Variants in DMXL1 observed in about 807,000 individuals in gnomAD.
The protein encoded by DMXL1 is dmX-like protein 1.
DMXL1 carries 99 observed loss-of-function variants against 319.2 expected under a neutral mutation model. The ratio of observed to expected loss-of-function variants is 0.31; its 90% CI spans 0.26 to 0.37. The LOEUF is 0.37. DMXL1 is among the 10% of genes least tolerant of loss of function. The probability of loss-of-function intolerance (pLI) is 1.00; values close to 1 mark genes in which losing one functional copy is unlikely to be tolerated. For synonymous variants in DMXL1, 1,385 were observed against 1,235.2 expected (o/e 1.12, Z -2.54); for missense variants, 3,745 against 3,595.6 (o/e 1.04, Z -1.06).
intron 33 of DMXL1, among the ~76,000 whole-genome samples, chr5:119,205,983 T>C (rs546817276): frequency 1.3e-5 from 2 of 152,212 alleles, no homozygotes; most frequent in African/African-American, 2.4e-5. Flanking sequence ...GAACTGCTCT[T>C]TCTTTATTTC....
chr5:119,185,963 C>G (rs559204567), intron 28 of DMXL1, among the ~76,000 whole-genome samples: 1 of 152,140 alleles, frequency 6.6e-6, no homozygotes, highest in South Asian at 2.1e-4. Flanking sequence ...TTAGTGTTCA[C>G]GTACATTTGT....
At position 119,087,741 on chromosome 5, in the gene DMXL1, C is replaced by T. The variant is rs554281136; in HGVS notation, c.88-10238C>T. ...GATCTGTCTATTACTGAGAGTGGGG[C>T]GTTAAATTCTCCTACGTTATTGTAT... On this transcript the variant is annotated intron_variant, in intron 1 of 43. Transcript: ENST00000539542. Among the ~76,000 whole-genome samples, 346 of 151,884 alleles carry T rather than the reference C, an allele frequency of 2.3e-3. 2 individuals carry two copies. Among genetic ancestry groups the T allele is most frequent in the African/African-American group, 7.8e-3 (322 of 41,430 alleles).
chr5:119,144,619 C>T lies in DMXL1; in HGVS notation c.2550C>T (p.Asp850=). The stretch of plus-strand genomic sequence containing the variant: ...TTGAGAAGAAAAGCCTTGGCAAAGA[C>T]AGCATTTTATCTAATGCAGGTAAGG... ...NNLEKKSLGK[D]SILSNAGSSP... Residue 850 remains aspartate, a synonymous_variant, in exon 15 of 44, where the codon GAC becomes GAT. Transcript: ENST00000539542. The T allele has an allele frequency of 1.3e-6, 2 of 1,597,640 alleles. No individual in the cohort carries two copies. The highest frequency in any genetic ancestry group is 1.7e-6 in the Non-Finnish European group (2 of 1,173,220).
At chr5:119,097,455 C>T (rs1346475518) in intron 1 of DMXL1, among the ~76,000 whole-genome samples, 1 of 152,146 alleles carries the variant, frequency 6.6e-6, no homozygotes. Flanking sequence ...CAGTGGCTCA[C>T]GCCTGTAATC....
chr5:119,209,677 T>G (rs1424066635), intron 34 of DMXL1, among the ~76,000 whole-genome samples: 1 of 152,126 alleles, frequency 6.6e-6, no homozygotes, highest in African/African-American at 2.4e-5. Flanking sequence ...ACAGTTGGTG[T>G]GTAGTCTATA....
rs1216084912 is a variant in DMXL1, at chr5:119,133,389, C to G, written c.1569+4C>G. The G allele has an allele frequency of 6.2e-7, 1 of 1,606,606 alleles. No homozygotes were observed. The highest frequency in any genetic ancestry group is 8.5e-7 in the Non-Finnish European group (1 of 1,175,066). On this transcript the variant is annotated splice_donor_region_variant and intron_variant, in intron 11 of 43. Transcript: ENST00000539542. ...TGGTATGTTTCGTCAAGTACAGGTA[C>G]TACTGTTATTTCTGGAGAGCTACTT...
intron 32 of DMXL1, among the ~76,000 whole-genome samples, chr5:119,198,428 T>C (rs780782302): frequency 3.3e-5 from 5 of 152,258 alleles, no homozygotes; most frequent in Admixed American, 6.5e-5. Flanking sequence ...CAATAAACTT[T>C]ATTTCTTAAA....
rs1350647230 is a variant in DMXL1 at position 119,098,016 on chromosome 5, G to A, written c.125G>A (p.Ser42Asn). Residue 42 changes from serine to asparagine, a missense_variant, in exon 2 of 44, where the codon AGC (serine) becomes AAC (asparagine). Coordinates refer to ENST00000539542, the MANE Select transcript of DMXL1 (RefSeq NM_001290321.3). ...GGATGTGACATTGTAATACTGGGAA[G>A]CGATTTTGAAAGATTACAGATAATC... is the stretch of plus-strand genomic sequence containing the variant. ...ASGCDIVILGSDFERLQIIPG... is the reference protein window; with the variant it reads ...ASGCDIVILGNDFERLQIIPG... The A allele has an allele frequency of 2.5e-6, 4 of 1,607,878 alleles. No homozygotes were observed. In the South Asian group the frequency reaches 3.4e-5, roughly 14 times the overall value.
At chr5:119,125,469 A>G (rs1251990405) in intron 9 of DMXL1, among the ~76,000 whole-genome samples, 1 of 152,206 alleles carries the variant, frequency 6.6e-6, no homozygotes, top group Non-Finnish European at 1.5e-5. Context: ...AAATATCTAA[A>G]TTAAATGTTG....
At chr5:119,153,037 T>C (rs1008750815) in intron 19 of DMXL1, among the ~76,000 whole-genome samples, 2 of 151,902 alleles carry the variant, frequency 1.3e-5, no homozygotes, top group African/African-American at 4.8e-5. Context: ...AGTACAGTGG[T>C]GTGATTTCCG....
intron 34 of DMXL1, among the ~76,000 whole-genome samples, chr5:119,210,869 G>A (rs1782685778): frequency 7.0e-6 from 1 of 143,186 alleles, no homozygotes; most frequent in Non-Finnish European, 1.5e-5. Context: ...CTTGGGGAAA[G>A]CAGTCTTTTA....
At chr5:119,132,589 A>G (rs1765163746) in intron 10 of DMXL1, 1 of 276,386 alleles carries the variant, frequency 3.6e-6, no homozygotes, top group Non-Finnish European at 7.2e-6. Context: ...CTGAGGCGGA[A>G]TTGCTTGGAC....
At chr5:119,155,292 A>G (rs987971717) in intron 19 of DMXL1, among the ~76,000 whole-genome samples, 1 of 152,180 alleles carries the variant, frequency 6.6e-6, no homozygotes, top group Non-Finnish European at 1.5e-5. Context: ...GATCTGGACA[A>G]AGTAAATTGA....
intron 5 of DMXL1, among the ~76,000 whole-genome samples, chr5:119,114,232 A>C (rs1368913335): frequency 6.6e-6 from 1 of 152,216 alleles, no homozygotes; most frequent in Non-Finnish European, 1.5e-5. Flanking sequence ...GAAAGTTACA[A>C]CTTTTGTTTT....
At chr5:119,146,052 A>G (rs1350798759) in intron 15 of DMXL1, among the ~76,000 whole-genome samples, 1 of 151,898 alleles carries the variant, frequency 6.6e-6, no homozygotes, top group African/African-American at 2.4e-5. Context: ...CTCTCAATAC[A>G]AGATGATTTA....
At chr5:119,191,218 C>G (rs1778646336) in intron 29 of DMXL1, among the ~76,000 whole-genome samples, 1 of 152,166 alleles carries the variant, frequency 6.6e-6, no homozygotes, top group Non-Finnish European at 1.5e-5. Flanking sequence ...CTGTGCAAAA[C>G]AAGGACTGCC....
chr5:119,149,380 C>T lies in DMXL1; in HGVS notation c.3553C>T (p.Leu1185Phe). The change falls in exon 18 of 44, where the codon CTC becomes TTC. Residue 1185 changes from leucine (L) to phenylalanine (F), a missense_variant. Physicochemically the swap from Leu to Phe is conservative, Grantham distance 22. Around this residue, in one of 4 missense-constraint regions of DMXL1, gnomAD observed 2,096 missense variants for 1,985.4 expected, o/e 1.06. Transcript: ENST00000539542. ...TGGTAAGGAAACCCTGGCATTTCCT[C>T]TCTGGGAGAGTACCAAAGTTGTGCC... ...QTGKETLAFP[L>F]WESTKVVPLS... 6.2e-7 allele frequency: 1 copy of T among 1,613,918 alleles called. No homozygotes were observed. Among genetic ancestry groups the T allele is most frequent in the Non-Finnish European group, 8.5e-7 (1 of 1,179,880 alleles).
intron 13 of DMXL1, among the ~76,000 whole-genome samples, chr5:119,141,271 G>A (rs1767279260): frequency 6.6e-6 from 1 of 151,396 alleles, no homozygotes; most frequent in Non-Finnish European, 1.5e-5. Context: ...CAGGAAAGAG[G>A]AATAAAAGGC....
At chr5:119,115,804 A>G (rs893852321) in intron 6 of DMXL1, among the ~76,000 whole-genome samples, 1 of 152,204 alleles carries the variant, frequency 6.6e-6, no homozygotes, top group African/African-American at 2.4e-5. Context: ...AGCAGTCTTC[A>G]TAAGTCTGCT....
Sources: allele counts gnomAD v4.1 joint callset (sites outside exome capture counted in the v4.1 genomes callset), GRCh38; gene constraint gnomAD v4.1.1; regional missense constraint gnomAD v4.1.1; transcripts MANE v1.5; gene names NCBI Gene and HGNC (gene_info 2026-07-23, HGNC 2026-07-21).